Variants in MGAT4C observed in about 807,000 individuals in gnomAD.
MGAT4C encodes MGAT4 family member C.
A neutral mutation model predicts 40.1 loss-of-function variants in MGAT4C; 19 were observed. The observed-to-expected ratio is 0.47, with a 90% CI of 0.33 to 0.70. The LOEUF (loss-of-function observed/expected upper bound fraction) is 0.70, where lower values mean the gene tolerates loss of function less well. Ranked by LOEUF, MGAT4C falls within the 30% of genes least tolerant of loss-of-function variation. MGAT4C has a pLI of 0.02. For missense variants in MGAT4C, 491 were observed against 563.2 expected (o/e 0.87, Z 1.30); for synonymous variants, 181 against 187.1 (o/e 0.97, Z 0.27).
At chr12:86,672,969 A>C (rs1964298630) in intron 2 of MGAT4C, among the ~76,000 whole-genome samples, 1 of 152,110 alleles carries the variant, frequency 6.6e-6, no homozygotes, top group Non-Finnish European at 1.5e-5. Context: ...TTCTTGGGGG[A>C]TATATTAAAA....
At chr12:86,631,170 T>C (rs1963025462) in intron 2 of MGAT4C, among the ~76,000 whole-genome samples, 1 of 151,914 alleles carries the variant, frequency 6.6e-6, no homozygotes, top group Non-Finnish European at 1.5e-5. Context: ...ACAAAGAGAA[T>C]AAAATACCTA....
intron 2 of MGAT4C, among the ~76,000 whole-genome samples, chr12:86,449,813 C>T (rs1957395079): frequency 6.6e-6 from 1 of 152,148 alleles, no homozygotes; most frequent in Admixed American, 6.6e-5. Flanking sequence ...TTTATGACCA[C>T]ATCTAATTTA....
chr12:86,795,898 C>A (rs944315209), intron 1 of MGAT4C, among the ~76,000 whole-genome samples: 2 of 151,856 alleles, frequency 1.3e-5, no homozygotes, highest in Non-Finnish European at 2.9e-5. Flanking sequence ...TAAAGTGTGT[C>A]AGAATTAGGT....
intron 1 of MGAT4C, among the ~76,000 whole-genome samples, chr12:86,747,455 A>G (rs956410647): frequency 4.6e-5 from 7 of 151,656 alleles, no homozygotes; most frequent in Non-Finnish European, 1.5e-5. Context: ...GCTACTCACG[A>G]ATAATTTCAC....
chr12:86,172,380 A>G (rs1593139260), intron 1 of MGAT4C, among the ~76,000 whole-genome samples: 1 of 152,204 alleles, frequency 6.6e-6, no homozygotes, highest in East Asian at 1.9e-4. Flanking sequence ...TAATTGTCCA[A>G]TAAAATTTCT....
In MGAT4C at chr12:86,785,555, A is replaced by T. The variant is rs540396799; in HGVS notation, c.-262+53111T>A. Among the ~76,000 whole-genome samples the T allele has an allele frequency of 5.3e-5, 8 of 152,114 alleles. No homozygotes were observed. The South Asian group carries it at 8.3e-4, about 16-fold the overall frequency. The stretch of plus-strand genomic sequence containing the variant: ...AGCACAATTTTCTGGAATATGGAAC[A>T]AATTAAAACCTTTTTTATGTTTTAG... On this transcript the variant is annotated intron_variant, in intron 1 of 7. Coordinates refer to the MGAT4C transcript ENST00000548651.
rs569583030 is a variant in MGAT4C at position 86,597,020 on chromosome 12, T to G, written c.-229+130189A>C. 3.2e-4 allele frequency among the ~76,000 whole-genome samples: 48 copies of G among 152,322 alleles called. 1 individual carries two copies. In the South Asian group the frequency reaches 9.9e-3, roughly 32 times the overall value. ...ATATCATAAGATGGACAGAACAGACTCTTTGTGGCAATAAGATCTTACAAA... is the reference window on the plus strand; with the variant it reads ...ATATCATAAGATGGACAGAACAGACGCTTTGTGGCAATAAGATCTTACAAA... On this transcript the variant is annotated intron_variant, in intron 2 of 7. Coordinates refer to the MGAT4C transcript ENST00000548651.
At chr12:86,562,340 G>A (rs975838189) in intron 2 of MGAT4C, among the ~76,000 whole-genome samples, 5 of 152,124 alleles carry the variant, frequency 3.3e-5, no homozygotes, top group Non-Finnish European at 7.4e-5. Flanking sequence ...TAAAGTGAGG[G>A]CACTGGTTGG....
At chr12:86,456,802 C>A (rs906852813) in intron 2 of MGAT4C, among the ~76,000 whole-genome samples, 2 of 152,074 alleles carry the variant, frequency 1.3e-5, no homozygotes, top group Non-Finnish European at 2.9e-5. Flanking sequence ...TTAAAAGATG[C>A]ATGACATAAA....
At chr12:86,486,180 CATG>C (rs1958015724) in intron 2 of MGAT4C, among the ~76,000 whole-genome samples, 1 of 152,164 alleles carries the variant, frequency 6.6e-6, no homozygotes, top group Admixed American at 6.5e-5. Context: ...TGCCAAACAA[CATG>C]ATGACAGGAT....
intron 1 of MGAT4C, among the ~76,000 whole-genome samples, chr12:86,838,038 A>T (rs1226657935): frequency 6.6e-6 from 1 of 152,216 alleles, no homozygotes; most frequent in Non-Finnish European, 1.5e-5. Context: ...GTTAAATAAT[A>T]ATTTTGTAGC....
At chr12:86,724,628 G>A (rs1404424619) in intron 2 of MGAT4C, among the ~76,000 whole-genome samples, 2 of 152,128 alleles carry the variant, frequency 1.3e-5, no homozygotes, top group Non-Finnish European at 2.9e-5. Context: ...TCATTCATGT[G>A]ACATTCAAAA....
intron 3 of MGAT4C, among the ~76,000 whole-genome samples, chr12:86,432,193 T>G (rs977399837): frequency 2.0e-5 from 3 of 152,046 alleles, no homozygotes; most frequent in Non-Finnish European, 2.9e-5. Context: ...AAGAAAATAA[T>G]GTAACTACCT....
At chr12:86,805,186 G>C (rs1004083711) in intron 1 of MGAT4C, among the ~76,000 whole-genome samples, 17 of 151,884 alleles carry the variant, frequency 1.1e-4, no homozygotes, top group Non-Finnish European at 4.4e-5. Context: ...TTACTAGTGG[G>C]ATTGAACAAC....
At chr12:86,298,788 GA>G (rs751797634) in intron 4 of MGAT4C, among the ~76,000 whole-genome samples, 1 of 152,070 alleles carries the variant, frequency 6.6e-6, no homozygotes, top group African/African-American at 2.4e-5. Context: ...CTGTAAGCAA[GA>G]AATGAGAATA....
intron 1 of MGAT4C, among the ~76,000 whole-genome samples, chr12:86,109,943 T>C (rs1390530194): frequency 6.6e-6 from 1 of 151,498 alleles, no homozygotes; most frequent in Non-Finnish European, 1.5e-5. Context: ...AAAAACTTCG[T>C]GGGAAAGGTG....
chr12:86,551,386 G>C (rs566087334), intron 2 of MGAT4C, among the ~76,000 whole-genome samples: 17 of 152,184 alleles, frequency 1.1e-4, no homozygotes, highest in African/African-American at 3.6e-4. Flanking sequence ...GTTCCCAGCT[G>C]ACTTATCTCC....
intron 2 of MGAT4C, among the ~76,000 whole-genome samples, chr12:86,035,551 C>A (rs547446749): frequency 1.3e-5 from 2 of 150,044 alleles, no homozygotes; most frequent in South Asian, 4.2e-4. Context: ...GTGATAGTTT[C>A]TTTTGCTGTG....
chr12:86,322,112 C>G (rs1188006510), intron 4 of MGAT4C, among the ~76,000 whole-genome samples: 1 of 151,366 alleles, frequency 6.6e-6, no homozygotes, highest in Non-Finnish European at 1.5e-5. Flanking sequence ...TCTGAGCAAA[C>G]TATCACAAGG....
Sources: allele counts gnomAD v4.1 joint callset (sites outside exome capture counted in the v4.1 genomes callset), GRCh38; gene constraint gnomAD v4.1.1; transcripts MANE v1.5; gene names NCBI Gene and HGNC (gene_info 2026-07-23, HGNC 2026-07-21).